KCNMA1: variants seen among roughly 807,000 people sequenced by gnomAD.
KCNMA1 encodes potassium calcium-activated channel subfamily M alpha 1.
Under a neutral mutation model 140.0 loss-of-function variants are expected in KCNMA1, and 29 were observed. The observed-to-expected ratio is 0.21, with a 90% CI of 0.15 to 0.28. The LOEUF (loss-of-function observed/expected upper bound fraction) is 0.28. KCNMA1 is among the 10% of genes least tolerant of loss of function. The pLI is 1.00. For missense variants in KCNMA1, 880 were observed against 1,602.2 expected (o/e 0.55, Z 7.70); for synonymous variants, 612 against 611.9 (o/e 1.00, Z 0.00).
intron 1 of KCNMA1, among the ~76,000 whole-genome samples, chr10:77,480,955 CAA>C (rs11288201): frequency 0.015 from 1,809 of 122,826 alleles, 41 homozygotes; most frequent in African/African-American, 0.048. Flanking sequence ...ACTAAAAATA[CAA>C]AAAAAAAAAA....
At chr10:76,909,244 A>G (rs966052797) in intron 25 of KCNMA1, among the ~76,000 whole-genome samples, 4 of 152,024 alleles carry the variant, frequency 2.6e-5, no homozygotes, top group Admixed American at 2.6e-4. Flanking sequence ...GTACTGCCCA[A>G]TACCACTGAG....
intron 19 of KCNMA1, chr10:76,995,818 C>T (rs1243313105): frequency 2.5e-6 from 1 of 392,174 alleles, no homozygotes; most frequent in South Asian, 1.9e-5. Flanking sequence ...CCTTAAAGAG[C>T]CGAGTCATTT....
At chr10:77,155,664 C>G (rs1018462654) in intron 5 of KCNMA1, among the ~76,000 whole-genome samples, 3 of 152,020 alleles carry the variant, frequency 2.0e-5, no homozygotes, top group African/African-American at 7.3e-5. Flanking sequence ...CCCATGGAAA[C>G]GGTTCCTCCA....
chr10:76,958,377 C>A (rs571656587), intron 20 of KCNMA1, among the ~76,000 whole-genome samples: 10 of 152,314 alleles, frequency 6.6e-5, no homozygotes, highest in Non-Finnish European at 1.2e-4. Flanking sequence ...ATAATTAATT[C>A]AAGGCTCACT....
intron 9 of KCNMA1, among the ~76,000 whole-genome samples, chr10:77,099,380 C>G (rs2097031989): frequency 6.6e-6 from 1 of 152,180 alleles, no homozygotes; most frequent in Non-Finnish European, 1.5e-5. Context: ...CTAGCATAAG[C>G]TGCTAGCCAT....
intron 1 of KCNMA1, among the ~76,000 whole-genome samples, chr10:77,487,618 C>G (rs2098476539): frequency 6.6e-6 from 1 of 152,314 alleles, no homozygotes; most frequent in Non-Finnish European, 1.5e-5. Context: ...GGGCAATTCT[C>G]TCACTGTACT....
chr10:77,544,603 G>A (rs1464921257), intron 1 of KCNMA1, among the ~76,000 whole-genome samples: 2 of 152,110 alleles, frequency 1.3e-5, no homozygotes, highest in Non-Finnish European at 2.9e-5. Context: ...CCCTAACTGT[G>A]AGCTAAGCGT....
At chr10:77,520,887 C>T (rs1179842249) in intron 1 of KCNMA1, among the ~76,000 whole-genome samples, 1 of 152,150 alleles carries the variant, frequency 6.6e-6, no homozygotes, top group African/African-American at 2.4e-5. Flanking sequence ...AGATGAAGCC[C>T]CACTTTGGTA....
chr10:77,474,153 A>G (rs1319424435), intron 1 of KCNMA1, among the ~76,000 whole-genome samples: 5 of 152,222 alleles, frequency 3.3e-5, no homozygotes, highest in African/African-American at 1.2e-4. Context: ...CGCAAAGTCT[A>G]CAAGAGCCAG....
chr10:77,170,577 C>G (rs1481499206), intron 5 of KCNMA1, among the ~76,000 whole-genome samples: 1 of 151,018 alleles, frequency 6.6e-6, no homozygotes, highest in Non-Finnish European at 1.5e-5. Flanking sequence ...GGCTCCATCC[C>G]TGGGAGAACA....
intron 15 of KCNMA1, among the ~76,000 whole-genome samples, chr10:77,029,365 C>T (rs369215281): frequency 6.6e-6 from 1 of 152,174 alleles, no homozygotes; most frequent in Admixed American, 6.5e-5. Flanking sequence ...CAATTTAATC[C>T]CCTCAATATC....
intron 2 of KCNMA1, chr10:77,373,003 A>C (rs1743040041): frequency 6.6e-6 from 1 of 152,254 alleles, no homozygotes; most frequent in Admixed American, 6.5e-5. Flanking sequence ...AGATTATGTG[A>C]AGTTACACAT....
At chr10:77,555,273 T>C (rs2154557796) in intron 1 of KCNMA1, among the ~76,000 whole-genome samples, 1 of 152,300 alleles carries the variant, frequency 6.6e-6, no homozygotes, top group East Asian at 1.9e-4. Context: ...CAAGGCCCTG[T>C]GGTATTTCTT....
chr10:76,998,590 C>T (rs938502096), intron 19 of KCNMA1, among the ~76,000 whole-genome samples: 3 of 152,104 alleles, frequency 2.0e-5, no homozygotes, highest in East Asian at 1.9e-4. Flanking sequence ...TAATCTGATC[C>T]GCCCATCTGA....
chr10:76,969,121 A>G (rs2075100006), intron 20 of KCNMA1, among the ~76,000 whole-genome samples: 1 of 152,062 alleles, frequency 6.6e-6, no homozygotes, highest in East Asian at 1.9e-4. Context: ...AGATGAATTG[A>G]AGACAAAAAG....
At chr10:76,891,062 A>T (rs2039829452) in intron 26 of KCNMA1, among the ~76,000 whole-genome samples, 1 of 152,198 alleles carries the variant, frequency 6.6e-6, no homozygotes, top group Non-Finnish European at 1.5e-5. Context: ...ATGTGCTATT[A>T]ATGTATAGTT....
downstream of KCNMA1, among the ~76,000 whole-genome samples, chr10:76,882,444 A>G (rs564344088): frequency 6.6e-6 from 1 of 152,142 alleles, no homozygotes; most frequent in Non-Finnish European, 1.5e-5. Flanking sequence ...TGTGATAGGC[A>G]GCCTGGCACA....
chr10:77,568,059 C>G (rs1401897454), intron 1 of KCNMA1, among the ~76,000 whole-genome samples: 4 of 151,726 alleles, frequency 2.6e-5, no homozygotes, highest in Admixed American at 6.6e-5. Flanking sequence ...CTGAATAGAC[C>G]AATAACAGGA....
At chr10:76,937,925 G>T (rs1418203146) in intron 23 of KCNMA1, among the ~76,000 whole-genome samples, 2 of 147,566 alleles carry the variant, frequency 1.4e-5, no homozygotes, top group Admixed American at 1.4e-4. Flanking sequence ...GTGTGTGTGT[G>T]TTTGTGTGTG....
Sources: gnomAD v4.1 joint callset for allele counts (sites outside exome capture counted in the v4.1 genomes callset) on GRCh38, gnomAD v4.1.1 for gene constraint, MANE v1.5 for transcripts, NCBI Gene and HGNC (gene_info 2026-07-23, HGNC 2026-07-21) for gene names.